The following CSMD2 variants were observed in gnomAD, a reference collection of about 807,000 sequenced individuals.
CSMD2 encodes the protein CUB and Sushi multiple domains 2.
In CSMD2, 130 loss-of-function variants were observed where a neutral mutation model predicts 398.5. The observed-to-expected ratio is 0.33, with a 90% CI of 0.28 to 0.38. The LOEUF (loss-of-function observed/expected upper bound fraction) is 0.38. Ranked by LOEUF, CSMD2 falls within the 10% of genes least tolerant of loss-of-function variation. The pLI, the probability that CSMD2 is intolerant of heterozygous loss-of-function variation, is 1.00. For synonymous variants in CSMD2, 1,828 were observed against 1,908.5 expected (o/e 0.96, Z 1.10); for missense variants, 3,829 against 4,764.9 (o/e 0.80, Z 5.78).
rs1557658665 is a variant in CSMD2, at chr1:33,637,312, C to T, written c.4775-758G>A. Among the ~76,000 whole-genome samples, 6 of 152,304 alleles carry T rather than the reference C, an allele frequency of 3.9e-5. No individual in the cohort carries two copies. In the South Asian group the frequency reaches 1.2e-3, roughly 32 times the overall value. Reference sequence around the variant, plus strand: ...CTCTGCACTGGGTATTGGGTGCTTGCCAGTTTATGAAAACCACAGTATTTT... The same window carrying T: ...CTCTGCACTGGGTATTGGGTGCTTGTCAGTTTATGAAAACCACAGTATTTT... On this transcript the variant is annotated intron_variant, in intron 29 of 70. Coordinates refer to ENST00000373381, the MANE Select transcript of CSMD2 (RefSeq NM_001281956.2).
intron 13 of CSMD2, among the ~76,000 whole-genome samples, chr1:33,760,508 A>C (rs753580469): frequency 3.3e-5 from 5 of 152,216 alleles, no homozygotes; most frequent in Non-Finnish European, 7.3e-5. Context: ...CCACCATGCC[A>C]AAGTTGGAGC....
At chr1:33,601,911 C>T (rs912444557) in intron 43 of CSMD2, among the ~76,000 whole-genome samples, 1 of 152,240 alleles carries the variant, frequency 6.6e-6, no homozygotes, top group African/African-American at 2.4e-5. Flanking sequence ...AGACATAGAA[C>T]AGTTCCATCA....
At chr1:33,930,999 G>A (rs1028629681) in intron 4 of CSMD2, among the ~76,000 whole-genome samples, 4 of 152,202 alleles carry the variant, frequency 2.6e-5, no homozygotes, top group African/African-American at 4.8e-5. Flanking sequence ...AGACACACAC[G>A]GCTTTCCAGT....
chr1:34,154,641 G>C (rs918106098), intron 1 of CSMD2, among the ~76,000 whole-genome samples: 4 of 151,712 alleles, frequency 2.6e-5, no homozygotes, highest in African/African-American at 9.7e-5. Context: ...TAAGAAACCA[G>C]ATGAAATTTA....
rs571266169 is a variant in CSMD2, at chr1:33,923,410, T to G, written c.713-5109A>C. 3.3e-5 allele frequency among the ~76,000 whole-genome samples: 5 copies of G among 152,236 alleles called. No individual in the cohort carries two copies. The South Asian group carries it at 1.0e-3, about 32-fold the overall frequency. On this transcript the variant is annotated intron_variant, in intron 4 of 70. Transcript: ENST00000373381. The stretch of plus-strand genomic sequence containing the variant: ...CTCCCACTTCACCTTCCGCCATGAG[T>G]AAAAGCTCCCTGAGGCCTCCCCAGA...
At chr1:33,658,297 T>C (rs1644017394) in intron 26 of CSMD2, among the ~76,000 whole-genome samples, 160 bp from the exon 27 acceptor site, 1 of 151,238 alleles carries the variant, frequency 6.6e-6, no homozygotes, top group Non-Finnish European at 1.5e-5. Flanking sequence ...GTGCCACTAT[T>C]CTCACTCCCA....
chr1:33,857,096 T>G (rs1434297971), intron 5 of CSMD2, among the ~76,000 whole-genome samples: 1 of 152,116 alleles, frequency 6.6e-6, no homozygotes, highest in Non-Finnish European at 1.5e-5. Context: ...TCAAGTATCA[T>G]CAGCTCTAAA....
At chr1:33,896,142 TTGA>T (rs1311521412) in intron 5 of CSMD2, among the ~76,000 whole-genome samples, 4 of 152,192 alleles carry the variant, frequency 2.6e-5, no homozygotes, top group African/African-American at 4.8e-5. Flanking sequence ...TATGTAGATT[TTGA>T]TGATGAATTC....
intron 5 of CSMD2, among the ~76,000 whole-genome samples, chr1:33,900,269 G>A (rs928614622): frequency 6.6e-6 from 1 of 152,174 alleles, no homozygotes; most frequent in Admixed American, 6.5e-5. Context: ...ATTGGTATTT[G>A]AACCCAACAT....
intron 25 of CSMD2, among the ~76,000 whole-genome samples, chr1:33,683,094 CT>C (rs1644958858): frequency 6.6e-6 from 1 of 152,272 alleles, no homozygotes; most frequent in Non-Finnish European, 1.5e-5. Flanking sequence ...AGCTTGTCTA[CT>C]ACTTCAATGC....
chr1:33,715,737 G>A (rs1646144934), intron 20 of CSMD2, among the ~76,000 whole-genome samples: 1 of 152,104 alleles, frequency 6.6e-6, no homozygotes, highest in African/African-American at 2.4e-5. Flanking sequence ...AATGGTGAAG[G>A]GCTCGGTATG....
chr1:33,662,603 C>A (rs1482413117), intron 26 of CSMD2, among the ~76,000 whole-genome samples: 1 of 152,196 alleles, frequency 6.6e-6, no homozygotes, highest in Non-Finnish European at 1.5e-5. Context: ...TGGACATCAT[C>A]TTTTCTGGAA....
intron 3 of CSMD2, among the ~76,000 whole-genome samples, chr1:34,019,079 C>A (rs1345121681): frequency 6.6e-6 from 1 of 152,200 alleles, no homozygotes; most frequent in Non-Finnish European, 1.5e-5. Flanking sequence ...AGTGCCTCAT[C>A]TGTAAAATGG....
At chr1:34,021,256 G>T (rs568419065) in intron 3 of CSMD2, among the ~76,000 whole-genome samples, 1 of 152,310 alleles carries the variant, frequency 6.6e-6, no homozygotes, top group Admixed American at 6.5e-5. Flanking sequence ...TCACCCCAAG[G>T]AAGAGGTGGC....
chr1:33,790,701 ATCATCTATCTG>A (rs1161297996), intron 11 of CSMD2, among the ~76,000 whole-genome samples: 84 of 135,220 alleles, frequency 6.2e-4, no homozygotes, highest in African/African-American at 2.3e-3. Context: ...CTATCTATCT[ATCATCTATCTG>A]TCTATCATCT....
chr1:33,776,806 G>A (rs1039078030), intron 12 of CSMD2, among the ~76,000 whole-genome samples: 1 of 151,946 alleles, frequency 6.6e-6, no homozygotes, highest in Admixed American at 6.6e-5. Context: ...AGAGGTGAAA[G>A]GAGCAGGGGG....
In CSMD2 at chr1:33,788,702, T is replaced by C. The variant is rs1653852118; in HGVS notation, c.1561A>G (p.Thr521Ala). ...CTGACAATGAGATCCGGGACCGATG[T>C]ACCTGTCAGGCTGGCAGGAGAGAGA... ...QKTVLYILTG[T>A]SVPDLIVSTN... Residue 521 changes from threonine (T) to alanine (A), a missense_variant, in exon 12 of 71, where the codon ACA becomes GCA. By Grantham distance (58) the Thr-to-Ala change is moderately conservative. Coordinates refer to ENST00000373381, the MANE Select transcript of CSMD2 (RefSeq NM_001281956.2). The C allele has an allele frequency of 6.2e-7, 1 of 1,609,240 alleles. No homozygotes were observed.
intron 2 of CSMD2, among the ~76,000 whole-genome samples, chr1:34,047,278 C>A (rs535923846): frequency 2.0e-5 from 3 of 152,188 alleles, no homozygotes; most frequent in South Asian, 2.1e-4. Context: ...AGGGCCTTTG[C>A]ACCTGCTCTT....
At chr1:33,688,972 T>C (rs1041780944) in intron 25 of CSMD2, among the ~76,000 whole-genome samples, 1 of 151,870 alleles carries the variant, frequency 6.6e-6, no homozygotes, top group African/African-American at 2.4e-5. Flanking sequence ...TTGCTGCTGG[T>C]TATTCAAGAC....
Sources: allele counts gnomAD v4.1 joint callset (sites outside exome capture counted in the v4.1 genomes callset), GRCh38; gene constraint gnomAD v4.1.1; transcripts MANE v1.5; gene names NCBI Gene and HGNC (gene_info 2026-07-23, HGNC 2026-07-21).